Variants in TRDN observed in about 807,000 individuals in gnomAD.
The protein encoded by TRDN is triadin in skeletal muscle.
Under a neutral mutation model 149.7 loss-of-function variants are expected in TRDN, and 161 were observed. That is an observed-to-expected ratio of 1.08 (90% confidence interval 0.95 to 1.23). The LOEUF (loss-of-function observed/expected upper bound fraction) is 1.23. TRDN is among the 50% of genes most tolerant of loss of function. The pLI, the probability that TRDN is intolerant of heterozygous loss-of-function variation, is 0.00. For missense variants in TRDN, 896 were observed against 823.5 expected, an observed-to-expected ratio of 1.09 and a Z score of -1.08; for synonymous variants, 294 against 250.5, an observed-to-expected ratio of 1.17 and a Z score of -1.64.
At chr6:123,267,798 C>A (rs371645998) in intron 31 of TRDN, 47 bp from the exon 32 acceptor site, 10 of 1,448,540 alleles carry the variant, frequency 6.9e-6, no homozygotes, top group Middle Eastern at 3.5e-4. Flanking sequence ...GATTCTTTGG[C>A]AAATATTTCT....
chr6:123,305,365 G>T (rs191285102), intron 24 of TRDN, among the ~76,000 whole-genome samples: 1 of 152,230 alleles, frequency 6.6e-6, no homozygotes, highest in East Asian at 1.9e-4. Context: ...TTATTAGATT[G>T]TAACTCTATA....
intron 5 of TRDN, among the ~76,000 whole-genome samples, chr6:123,526,015 C>G (rs1280659152): frequency 6.6e-6 from 1 of 151,990 alleles, no homozygotes; most frequent in Non-Finnish European, 1.5e-5. Flanking sequence ...TTGGATTATT[C>G]AGGTGGGCCC....
intron 1 of TRDN, 36 bp downstream of exon 1, chr6:123,636,718 T>C (rs1401708698): frequency 1.2e-6 from 2 of 1,610,162 alleles, no homozygotes; most frequent in Admixed American, 1.7e-5. Context: ...ATATTTTTTT[T>C]CCTTACTTGA....
intron 1 of TRDN, among the ~76,000 whole-genome samples, chr6:123,587,610 T>C (rs955156397): frequency 1.3e-5 from 2 of 151,926 alleles, no homozygotes; most frequent in African/African-American, 2.4e-5. Context: ...CCAAATTTCA[T>C]GTGCGTCCGT....
chr6:123,284,082 G>GC (rs141393840), intron 24 of TRDN, among the ~76,000 whole-genome samples: 12,906 of 105,160 alleles, frequency 0.12, 896 homozygotes, highest in African/African-American at 0.17. Flanking sequence ...ACTAACTCTT[G>GC]CCCCCCCCCC....
At chr6:123,562,584 G>A (rs942069396) in intron 2 of TRDN, among the ~76,000 whole-genome samples, 4 of 152,136 alleles carry the variant, frequency 2.6e-5, no homozygotes, top group South Asian at 2.1e-4. Context: ...GAGAAATAAT[G>A]TCTGTTTATA....
chr6:123,440,302 G>C (rs1006273741), intron 10 of TRDN, among the ~76,000 whole-genome samples: 1 of 152,110 alleles, frequency 6.6e-6, no homozygotes, highest in East Asian at 1.9e-4. Flanking sequence ...CATCCAATCA[G>C]AAGTAGAAAG....
chr6:123,379,544 A>C (rs1332827039), intron 16 of TRDN, among the ~76,000 whole-genome samples: 2 of 152,232 alleles, frequency 1.3e-5, no homozygotes. Context: ...CAGTGATAAC[A>C]GTCAAAAAAG....
At chr6:123,615,443 C>T (rs893255850) in intron 1 of TRDN, among the ~76,000 whole-genome samples, 2 of 151,560 alleles carry the variant, frequency 1.3e-5, no homozygotes, top group East Asian at 1.9e-4. Context: ...GTGGTGTATG[C>T]GTCTGTGTGT....
At chr6:123,532,135 T>C (rs563512006) in intron 4 of TRDN, among the ~76,000 whole-genome samples, 24 of 152,050 alleles carry the variant, frequency 1.6e-4, no homozygotes, top group Non-Finnish European at 2.6e-4. Flanking sequence ...GGACATGATA[T>C]ATGGTTAATC....
intron 10 of TRDN, among the ~76,000 whole-genome samples, chr6:123,447,091 G>C (rs1040860063): frequency 1.3e-5 from 2 of 152,044 alleles, no homozygotes; most frequent in African/African-American, 4.8e-5. Flanking sequence ...TGGCCTTTCA[G>C]GCTCTGAATC....
At chr6:123,432,005 C>T (rs1387122728) in intron 12 of TRDN, among the ~76,000 whole-genome samples, 2 of 152,078 alleles carry the variant, frequency 1.3e-5, no homozygotes, top group Non-Finnish European at 2.9e-5. Flanking sequence ...TTATTTGCCA[C>T]ATACAGTAAT....
intron 6 of TRDN, 36 bp downstream of exon 6, chr6:123,516,105 T>C: frequency 1.4e-6 from 2 of 1,435,378 alleles, no homozygotes; most frequent in South Asian, 2.8e-5. Flanking sequence ...GGGAAAGGAC[T>C]CAGTGTGTTA....
At chr6:123,234,564 G>T (rs906210415) in intron 38 of TRDN, among the ~76,000 whole-genome samples, 1 of 152,072 alleles carries the variant, frequency 6.6e-6, no homozygotes, top group East Asian at 1.9e-4. Context: ...GAACTGGGAC[G>T]TAAGATATCT....
intron 4 of TRDN, among the ~76,000 whole-genome samples, chr6:123,544,069 T>G (rs899187142): frequency 6.6e-6 from 1 of 152,108 alleles, no homozygotes; most frequent in Admixed American, 6.6e-5. Flanking sequence ...AAGTTATTAT[T>G]AAACCTGAAA....
At chr6:123,442,660 A>G (rs1355084146) in intron 10 of TRDN, among the ~76,000 whole-genome samples, 1 of 152,180 alleles carries the variant, frequency 6.6e-6, no homozygotes, top group Non-Finnish European at 1.5e-5. Context: ...AATGATAATA[A>G]TGACAAGCTA....
chr6:123,602,637 A>G (rs756133377), intron 1 of TRDN, among the ~76,000 whole-genome samples: 1 of 152,100 alleles, frequency 6.6e-6, no homozygotes, highest in Non-Finnish European at 1.5e-5. Context: ...AGCTGACTCC[A>G]GGAGTTACCC....
At position 123,273,368 on chromosome 6, in the gene TRDN, A is replaced by AG; in HGVS notation, c.1598-6_1598-5insC. 1.0e-6 allele frequency: 1 copy of AG among 965,478 alleles called. No individual in the cohort carries two copies. Among genetic ancestry groups the AG allele is most frequent in the Non-Finnish European group, 1.4e-6 (1 of 707,664 alleles). 59.8% of individuals were successfully genotyped at this position (965,478 alleles called of 1,614,324 possible). A position where few individuals can be genotyped will look rare whatever the true frequency, so the allele number is the denominator to read the frequency against. On this transcript the variant is annotated splice_region_variant and splice_polypyrimidine_tract_variant and intron_variant, in intron 27 of 40. Transcript: ENST00000334268. ...TTTGCACTTTTTCAGATATAGCTAA[A>AG]ATAAATAAATAACATATTAGATTAA...
chr6:123,327,295 A>G (rs1779493177), intron 23 of TRDN, among the ~76,000 whole-genome samples: 1 of 152,104 alleles, frequency 6.6e-6, no homozygotes, highest in African/African-American at 2.4e-5. Flanking sequence ...AAATAACTAT[A>G]TTTGGTCAGG....
Sources: gnomAD v4.1 joint callset for allele counts (sites outside exome capture counted in the v4.1 genomes callset) on GRCh38, gnomAD v4.1.1 for gene constraint, MANE v1.5 for transcripts, NCBI Gene and HGNC (gene_info 2026-07-23, HGNC 2026-07-21) for gene names.